SH3GL2: variants seen among roughly 807,000 people sequenced by gnomAD.
The protein encoded by SH3GL2 is SH3 domain containing GRB2 like 2, endophilin A1, also known as endophilin-A1.
Under a neutral mutation model 46.0 loss-of-function variants are expected in SH3GL2, and 24 were observed. The ratio of observed to expected loss-of-function variants is 0.52; its 90% confidence interval spans 0.38 to 0.73. The LOEUF (loss-of-function observed/expected upper bound fraction) is 0.73. Ranked by LOEUF, SH3GL2 falls within the 30% of genes least tolerant of loss-of-function variation. The pLI, the probability that SH3GL2 is intolerant of heterozygous loss-of-function variation, is 0.00. For missense variants in SH3GL2, 413 were observed against 424.2 expected, an observed-to-expected ratio of 0.97 and a Z score of 0.23; for synonymous variants, 196 against 147.1, an observed-to-expected ratio of 1.33 and a Z score of -2.40.
intron 1 of SH3GL2, among the ~76,000 whole-genome samples, chr9:17,596,562 C>T (rs1818575325): frequency 6.6e-6 from 1 of 152,142 alleles, no homozygotes; most frequent in Non-Finnish European, 1.5e-5. Context: ...AGCAAAAAGC[C>T]TGTAGGCAGT....
chr9:17,646,750 C>T (rs7029937), intron 1 of SH3GL2, among the ~76,000 whole-genome samples: 4,010 of 152,270 alleles, frequency 0.026, 74 homozygotes, highest in Middle Eastern at 0.058. Flanking sequence ...GTGGAAGCTT[C>T]ATCCCACAGG....
chr9:17,629,975 G>T (rs1277505414), intron 1 of SH3GL2, among the ~76,000 whole-genome samples: 1 of 152,118 alleles, frequency 6.6e-6, no homozygotes, highest in African/African-American at 2.4e-5. Flanking sequence ...TGAAAAAGTG[G>T]CACGTTTCTG....
chr9:17,760,123 CAA>C (rs1563842833), intron 2 of SH3GL2, among the ~76,000 whole-genome samples: 2 of 152,140 alleles, frequency 1.3e-5, no homozygotes, highest in East Asian at 3.9e-4. Flanking sequence ...GGTACACACT[CAA>C]TCTTAAAGAT....
chr9:17,642,038 C>A (rs1819698679), intron 1 of SH3GL2, among the ~76,000 whole-genome samples: 1 of 152,190 alleles, frequency 6.6e-6, no homozygotes, highest in African/African-American at 2.4e-5. Flanking sequence ...AATAGTTGAA[C>A]TAATTTACAC....
At chr9:17,750,917 C>G (rs1247123806) in intron 2 of SH3GL2, among the ~76,000 whole-genome samples, 3 of 152,242 alleles carry the variant, frequency 2.0e-5, no homozygotes, top group Middle Eastern at 3.4e-3. Context: ...GAACATAGTG[C>G]TTGGTGTCCT....
chr9:17,774,644 C>T (rs926426657), intron 3 of SH3GL2, among the ~76,000 whole-genome samples: 11 of 151,920 alleles, frequency 7.2e-5, no homozygotes, highest in African/African-American at 2.7e-4. Context: ...GAACAAATAC[C>T]ACTTGGTCAT....
chr9:17,768,678 C>G (rs561404403), intron 3 of SH3GL2, among the ~76,000 whole-genome samples: 5 of 152,098 alleles, frequency 3.3e-5, no homozygotes, highest in African/African-American at 7.2e-5. Context: ...TTCCCCTTCT[C>G]CTGGTAGAAT....
At chr9:17,700,325 C>A (rs746840247) in intron 1 of SH3GL2, among the ~76,000 whole-genome samples, 1 of 152,180 alleles carries the variant, frequency 6.6e-6, no homozygotes. Flanking sequence ...AACCCTTTCA[C>A]TGTGTTTTGT....
At chr9:17,604,292 C>G (rs1265409607) in intron 1 of SH3GL2, among the ~76,000 whole-genome samples, 1 of 152,200 alleles carries the variant, frequency 6.6e-6, no homozygotes, top group East Asian at 1.9e-4. Context: ...CTCGCCAAGT[C>G]CACACAGACC....
At chr9:17,775,299 T>C (rs1240283031) in intron 3 of SH3GL2, among the ~76,000 whole-genome samples, 1 of 152,170 alleles carries the variant, frequency 6.6e-6, no homozygotes, top group Non-Finnish European at 1.5e-5. Flanking sequence ...GGGGCAAGTG[T>C]ATTTTTAGCT....
At chr9:17,763,091 T>A (rs528230107) in intron 3 of SH3GL2, among the ~76,000 whole-genome samples, 48 of 152,332 alleles carry the variant, frequency 3.2e-4, no homozygotes, top group African/African-American at 1.1e-3. Context: ...GTGCTAGGTA[T>A]ATGAGGCATT....
Position 17,793,477 on chromosome 9 carries a change from C to T in SH3GL2, c.839C>T (p.Thr280Ile), listed in dbSNP as rs1176144215. The change falls in exon 8 of 9, where the codon ACA becomes ATA. Residue 280 changes from threonine to isoleucine, a missense_variant. Thr to Ile is a moderately conservative substitution (Grantham distance 89). This residue lies in a region of SH3GL2 where 248 missense variants were observed against 215.0 expected (regional missense o/e 1.15). Coordinates refer to ENST00000380607, the MANE Select transcript of SH3GL2 (RefSeq NM_003026.5). Reference protein sequence around the residue: ...STQPNGGLSHTGTPKPSGVQM... With the variant: ...STQPNGGLSHIGTPKPSGVQM... ...CAGCCCAATGGGGGTCTCTCCCACA[C>T]AGGCACTCCCAAACCTTCAGGTAAG... 1.2e-6 allele frequency: 2 copies of T among 1,613,240 alleles called. No individual in the cohort carries two copies. Among genetic ancestry groups the T allele is most frequent in the African/African-American group, 1.3e-5 (1 of 74,992 alleles).
intron 3 of SH3GL2, among the ~76,000 whole-genome samples, chr9:17,785,772 T>A (rs73645329): frequency 0.026 from 3,973 of 152,254 alleles, 178 homozygotes; most frequent in African/African-American, 0.092. Flanking sequence ...TCTCTAGTTA[T>A]GTGCTGGAGA....
At chr9:17,623,863 C>G (rs1338191263) in intron 1 of SH3GL2, among the ~76,000 whole-genome samples, 2 of 152,016 alleles carry the variant, frequency 1.3e-5, no homozygotes, top group Non-Finnish European at 2.9e-5. Context: ...AACCGCAGCA[C>G]TATTATCAAC....
chr9:17,790,310 A>G (rs150087933), intron 6 of SH3GL2: 13 of 298,202 alleles, frequency 4.4e-5, no homozygotes, highest in African/African-American at 2.3e-4. Flanking sequence ...TAACAGACAC[A>G]CCCAGAAATA....
intron 1 of SH3GL2, among the ~76,000 whole-genome samples, chr9:17,733,807 C>G (rs1357757853): frequency 6.6e-6 from 1 of 151,974 alleles, no homozygotes; most frequent in African/African-American, 2.4e-5. Flanking sequence ...ATGATGAGTT[C>G]ATGTCCTTTG....
intron 1 of SH3GL2, among the ~76,000 whole-genome samples, chr9:17,743,569 A>AACACACACACAC (rs58408701): frequency 0.081 from 11,657 of 143,494 alleles, 521 homozygotes; most frequent in East Asian, 0.14. Context: ...CTCTTTTGTG[A>AACACACACACAC]ACACACACAC....
chr9:17,682,845 T>C (rs1405973063), intron 1 of SH3GL2, among the ~76,000 whole-genome samples: 1 of 152,166 alleles, frequency 6.6e-6, no homozygotes, highest in Non-Finnish European at 1.5e-5. Context: ...ATGATGTATG[T>C]GTATTTGTGT....
intron 1 of SH3GL2, among the ~76,000 whole-genome samples, chr9:17,713,591 C>T (rs918159506): frequency 1.3e-5 from 2 of 151,458 alleles, no homozygotes; most frequent in Admixed American, 1.3e-4. Flanking sequence ...GTTGTATTTT[C>T]ATTCAGCTCA....
Sources: allele counts gnomAD v4.1 joint callset (sites outside exome capture counted in the v4.1 genomes callset), GRCh38; gene constraint gnomAD v4.1.1; regional missense constraint gnomAD v4.1.1; transcripts MANE v1.5; gene names NCBI Gene and HGNC (gene_info 2026-07-23, HGNC 2026-07-21).